Variants in BRINP1 observed in about 807,000 individuals in gnomAD.
BRINP1 encodes BMP/retinoic acid inducible neural specific 1, also known as BMP/retinoic acid-inducible neural-specific protein 1.
In BRINP1, 17 loss-of-function variants were observed where a neutral mutation model predicts 72.9. That is an observed-to-expected ratio of 0.23 (90% CI 0.16 to 0.35). The LOEUF is 0.35. Ranked by LOEUF, BRINP1 falls within the 10% of genes least tolerant of loss-of-function variation. The pLI is 1.00. For synonymous variants in BRINP1, 418 were observed against 378.5 expected (o/e 1.10, Z -1.21); for missense variants, 850 against 1,001.6 (o/e 0.85, Z 2.04).
chr9:119,214,060 G>T lies in BRINP1; in HGVS notation c.781C>A (p.Gln261Lys). The change falls in exon 6 of 8, where the codon CAG (glutamine) becomes AAG (lysine). Residue 261 changes from glutamine to lysine, a missense_variant. Transcript: ENST00000265922. ...MCNGEGEYLC[Q>K]NSQCRCQCAE... Reference sequence around the variant, plus strand: ...CATTGGCAGCGACACTGGCTGTTCTGGCACAGGTACTCCCCCTCCCCATTG... The same window carrying T: ...CATTGGCAGCGACACTGGCTGTTCTTGCACAGGTACTCCCCCTCCCCATTG... 1.2e-6 allele frequency: 2 copies of T among 1,614,148 alleles called. No individual in the cohort carries two copies. The highest frequency in any genetic ancestry group is 1.7e-6 in the Non-Finnish European group (2 of 1,180,024).
At chr9:119,178,420 A>ATTGT (rs1248781465) in intron 7 of BRINP1, among the ~76,000 whole-genome samples, 5 of 152,118 alleles carry the variant, frequency 3.3e-5, no homozygotes. Context: ...AGCTCATTTC[A>ATTGT]TTGTTTGTGT....
chr9:119,207,478 G>A (rs958357279), intron 7 of BRINP1, among the ~76,000 whole-genome samples: 4 of 152,232 alleles, frequency 2.6e-5, no homozygotes, highest in African/African-American at 9.6e-5. Context: ...TCTTACATCA[G>A]AATTGCTAAG....
At chr9:119,245,110 T>C (rs189106831) in intron 3 of BRINP1, among the ~76,000 whole-genome samples, 4 of 152,172 alleles carry the variant, frequency 2.6e-5, no homozygotes, top group Admixed American at 1.3e-4. Flanking sequence ...ATAGTGAATA[T>C]ACAAATAAAC....
chr9:119,214,268 A>T, intron 5 of BRINP1, 113 bp from the exon 6 acceptor site: 3 of 754,850 alleles, frequency 4.0e-6, no homozygotes, highest in Non-Finnish European at 4.4e-6. Flanking sequence ...CTCCCTGTGT[A>T]TTGGAACCAA....
intron 5 of BRINP1, among the ~76,000 whole-genome samples, chr9:119,227,519 C>G (rs762608835): frequency 2.0e-5 from 3 of 152,026 alleles, no homozygotes; most frequent in Admixed American, 6.6e-5. Context: ...CATGAAGACA[C>G]GAAAGGCACT....
At chr9:119,317,306 T>C (rs1356620676) in intron 1 of BRINP1, among the ~76,000 whole-genome samples, 1 of 152,070 alleles carries the variant, frequency 6.6e-6, no homozygotes, top group East Asian at 1.9e-4. Flanking sequence ...TCAAACCTCA[T>C]GAATGATCAT....
Position 119,360,111 on chromosome 9 carries a change from T to C in BRINP1, c.-51+8945A>G, listed in dbSNP as rs545292835. On this transcript the variant is annotated intron_variant, in intron 1 of 7. Transcript: ENST00000265922. The stretch of plus-strand genomic sequence containing the variant: ...TTGTCCTATTGATATACATTCAGAA[T>C]AAAATTCTTTATAAGCTCTCTCAGT... Among the ~76,000 whole-genome samples, 3 of 152,334 alleles carry C rather than the reference T, an allele frequency of 2.0e-5. No homozygotes were observed. The East Asian group carries it at 5.8e-4, about 29-fold the overall frequency.
At chr9:119,182,279 A>C (rs1486618770) in intron 7 of BRINP1, among the ~76,000 whole-genome samples, 1 of 152,238 alleles carries the variant, frequency 6.6e-6, no homozygotes, top group Non-Finnish European at 1.5e-5. Context: ...AAGATTTCTT[A>C]AAAGTGCTCA....
intron 2 of BRINP1, among the ~76,000 whole-genome samples, chr9:119,291,813 A>C (rs888999941): frequency 6.6e-5 from 10 of 152,212 alleles, no homozygotes; most frequent in Non-Finnish European, 5.9e-5. Context: ...CAAAAAAAGC[A>C]GAGAATTATA....
intron 5 of BRINP1, among the ~76,000 whole-genome samples, chr9:119,232,265 C>T (rs193082947): frequency 3.5e-4 from 53 of 152,318 alleles, no homozygotes; most frequent in Non-Finnish European, 7.1e-4. Flanking sequence ...TTCATTGCAA[C>T]TGTCATGATC....
At chr9:119,345,629 A>G (rs1475648478) in intron 1 of BRINP1, among the ~76,000 whole-genome samples, 1 of 152,156 alleles carries the variant, frequency 6.6e-6, no homozygotes. Flanking sequence ...CTAAAGTTGT[A>G]CCATTAGTTC....
intron 5 of BRINP1, among the ~76,000 whole-genome samples, chr9:119,238,371 T>C (rs539573089): frequency 6.6e-6 from 1 of 151,538 alleles, no homozygotes; most frequent in Admixed American, 6.6e-5. Flanking sequence ...CAAAGAAATG[T>C]AGATATTTAT....
intron 1 of BRINP1, among the ~76,000 whole-genome samples, chr9:119,327,875 G>A (rs1009791970): frequency 5.3e-5 from 8 of 151,974 alleles, no homozygotes; most frequent in Non-Finnish European, 8.8e-5. Context: ...TGACATTCAA[G>A]TTAGGATTTC....
chr9:119,269,952 G>A (rs963480353), intron 2 of BRINP1, among the ~76,000 whole-genome samples: 14 of 152,132 alleles, frequency 9.2e-5, no homozygotes, highest in East Asian at 1.9e-4. Context: ...AAAGTGTTAC[G>A]TATTATGGAA....
chr9:119,256,579 G>T (rs1830450432), intron 2 of BRINP1, among the ~76,000 whole-genome samples: 1 of 152,188 alleles, frequency 6.6e-6, no homozygotes, highest in African/African-American at 2.4e-5. Context: ...TTTATACAGT[G>T]CAACACGGTA....
intron 1 of BRINP1, among the ~76,000 whole-genome samples, chr9:119,317,677 TGAAA>T (rs1181315906): frequency 1.3e-5 from 2 of 152,192 alleles, no homozygotes; most frequent in Non-Finnish European, 2.9e-5. Context: ...AATTATTTCA[TGAAA>T]GAAAGAGTCA....
rs772263877 is a variant in BRINP1 at position 119,214,134 on chromosome 9, T to C, written c.707A>G (p.Gln236Arg). The change falls in exon 6 of 8, where the codon CAG (glutamine) becomes CGG (arginine). Residue 236 changes from glutamine (Q) to arginine (R), a missense_variant. Gln to Arg is a conservative substitution (Grantham distance 43, BLOSUM62 1). Coordinates refer to ENST00000265922, the MANE Select transcript of BRINP1 (RefSeq NM_014618.3). ...CTGGACAAACTTCTCTTGCAGATAC[T>C]GAGGAAAGATTATCTGAAGACCTGT... ...HLQGLQIIFP[Q>R]YLQEKFVQSA... is the part of the protein sequence containing the mutation. The C allele has an allele frequency of 1.9e-6, 3 of 1,613,572 alleles. No homozygotes were observed. Among genetic ancestry groups the C allele is most frequent in the African/African-American group, 2.7e-5 (2 of 74,906 alleles).
chr9:119,294,982 G>T (rs1342010160), intron 2 of BRINP1, among the ~76,000 whole-genome samples: 1 of 149,208 alleles, frequency 6.7e-6, no homozygotes, highest in Non-Finnish European at 1.5e-5. Context: ...ATCAAATTTT[G>T]CATTCTTTAT....
At chr9:119,268,247 AATAGATAG>A (rs61056780) in intron 2 of BRINP1, among the ~76,000 whole-genome samples, 14,803 of 95,470 alleles carry the variant, frequency 0.16, 959 homozygotes, top group African/African-American at 0.18. Flanking sequence ...TGTCTCAATA[AATAGATAG>A]ATAGATAGAT....
Sources: allele counts gnomAD v4.1 joint callset (sites outside exome capture counted in the v4.1 genomes callset), GRCh38; gene constraint gnomAD v4.1.1; transcripts MANE v1.5; gene names NCBI Gene and HGNC (gene_info 2026-07-23, HGNC 2026-07-21).